The following NTM variants were observed in gnomAD, a reference collection of about 807,000 sequenced individuals.
NTM encodes the protein neurotrimin.
NTM carries 13 observed loss-of-function variants against 42.1 expected under a neutral mutation model. The observed-to-expected ratio is 0.31, with a 90% confidence interval of 0.20 to 0.49. The LOEUF (loss-of-function observed/expected upper bound fraction) is 0.49. Among genes scored for constraint, NTM ranks in the 20% least tolerant of loss-of-function variants. The pLI is 0.99. For missense variants in NTM, 373 were observed against 452.8 expected (o/e 0.82, Z 1.60); for synonymous variants, 187 against 179.2 (o/e 1.04, Z -0.35).
intron 1 of NTM, among the ~76,000 whole-genome samples, chr11:131,806,965 G>T (rs957790395): frequency 6.6e-6 from 1 of 152,202 alleles, no homozygotes; most frequent in African/African-American, 2.4e-5. Context: ...ACTGCTGGGA[G>T]CTCACAGTGA....
At chr11:132,322,004 G>A (rs1033518579) in intron 7 of NTM, among the ~76,000 whole-genome samples, 5 of 151,566 alleles carry the variant, frequency 3.3e-5, no homozygotes, top group Non-Finnish European at 7.4e-5. Context: ...CACCAGGCCT[G>A]CCCTAAAAGA....
At chr11:132,198,950 A>C (rs1056516209) in intron 3 of NTM, among the ~76,000 whole-genome samples, 2 of 152,328 alleles carry the variant, frequency 1.3e-5, no homozygotes, top group East Asian at 3.9e-4. Flanking sequence ...TTTAGCTAGG[A>C]CTAAATGATC....
chr11:131,554,686 T>C (rs2055164034), intron 1 of NTM, among the ~76,000 whole-genome samples: 1 of 152,194 alleles, frequency 6.6e-6, no homozygotes, highest in South Asian at 2.1e-4. Context: ...AAGGAATCCC[T>C]GAGGTTCAAA....
At chr11:131,733,509 T>TCCTTCCTA (rs1565480810) in intron 1 of NTM, among the ~76,000 whole-genome samples, 28 of 149,500 alleles carry the variant, frequency 1.9e-4, no homozygotes, top group African/African-American at 6.7e-4. Flanking sequence ...CTTCCTTCCT[T>TCCTTCCTA]CCTTCCTTCC....
At chr11:131,922,163 C>T (rs550241935) in intron 2 of NTM, 1 of 152,702 alleles carries the variant, frequency 6.5e-6, no homozygotes, top group South Asian at 2.1e-4. Flanking sequence ...CCTTGCTTAC[C>T]CTGAGGCCTG....
intron 1 of NTM, among the ~76,000 whole-genome samples, chr11:131,547,923 G>T (rs318985): frequency 2.0e-5 from 3 of 151,952 alleles, no homozygotes; most frequent in Non-Finnish European, 4.4e-5. Context: ...TGGCTGATTA[G>T]CCAATGCCTA....
chr11:131,543,315 G>A (rs1019590397), intron 1 of NTM, among the ~76,000 whole-genome samples: 6 of 152,148 alleles, frequency 3.9e-5, no homozygotes, highest in East Asian at 1.9e-4. Flanking sequence ...CAGGAAATAC[G>A]CAGGGATAGC....
In NTM at chr11:131,983,456, A is replaced by G. The variant is rs187196942; in HGVS notation, c.167+71808A>G. ...AGTGGTGTGATCTTGGCTCACTGCA[A>G]CCTCTGCCTCCCGGGTTCAAGCGAT... On this transcript the variant is annotated intron_variant, in intron 2 of 8. Coordinates refer to ENST00000683400, the MANE Select transcript of NTM (RefSeq NM_001352005.2). Among the ~76,000 whole-genome samples the G allele has an allele frequency of 8.7e-3, 1,294 of 148,974 alleles. 18 individuals are homozygous for G. Among genetic ancestry groups the G allele is most frequent in the African/African-American group, 0.031 (1,232 of 39,874 alleles).
chr11:131,523,271 T>C (rs2049994640), intron 1 of NTM, among the ~76,000 whole-genome samples: 2 of 152,232 alleles, frequency 1.3e-5, no homozygotes, highest in Admixed American at 1.3e-4. Flanking sequence ...CAGTTTGTAA[T>C]ACTAGTTGTC....
intron 1 of NTM, among the ~76,000 whole-genome samples, chr11:131,422,481 T>C (rs2135839376): frequency 6.6e-6 from 1 of 152,276 alleles, no homozygotes; most frequent in East Asian, 1.9e-4. Context: ...AGGCGCAAAT[T>C]AAGTAGAAAA....
At chr11:132,147,614 G>A (rs1241637124) in intron 3 of NTM, among the ~76,000 whole-genome samples, 1 of 152,032 alleles carries the variant, frequency 6.6e-6, no homozygotes, top group Non-Finnish European at 1.5e-5. Flanking sequence ...TTTACAGTGG[G>A]TCAAATATCT....
intron 2 of NTM, among the ~76,000 whole-genome samples, chr11:132,088,524 G>T (rs2060014272): frequency 6.6e-6 from 1 of 152,210 alleles, no homozygotes; most frequent in East Asian, 1.9e-4. Context: ...CAAAAAAAGG[G>T]GTCCTGCATG....
intron 2 of NTM, among the ~76,000 whole-genome samples, chr11:132,112,597 C>T (rs1213940073): frequency 3.3e-5 from 5 of 152,010 alleles, no homozygotes; most frequent in Non-Finnish European, 5.9e-5. Flanking sequence ...AGCCAAGAGG[C>T]GGCCTTCCAC....
At chr11:131,760,374 G>A (rs1032819218) in intron 1 of NTM, among the ~76,000 whole-genome samples, 8 of 151,798 alleles carry the variant, frequency 5.3e-5, no homozygotes, top group Non-Finnish European at 8.8e-5. Context: ...TGTTGTAAGG[G>A]AAAAAAGAAA....
chr11:132,008,184 T>A (rs1043379302), intron 2 of NTM, among the ~76,000 whole-genome samples: 10 of 152,296 alleles, frequency 6.6e-5, no homozygotes, highest in East Asian at 3.9e-4. Context: ...TGGACTGTTG[T>A]CTAAGACAGA....
chr11:132,174,866 G>A (rs1460933994), intron 3 of NTM, among the ~76,000 whole-genome samples: 3 of 152,130 alleles, frequency 2.0e-5, no homozygotes, highest in Non-Finnish European at 4.4e-5. Context: ...GCTCTGGAGA[G>A]AGAGGTTATT....
chr11:131,714,055 G>C (rs750883357), intron 1 of NTM, among the ~76,000 whole-genome samples: 1 of 152,146 alleles, frequency 6.6e-6, no homozygotes, highest in Non-Finnish European at 1.5e-5. Context: ...CTTACTGGTC[G>C]AGTATTTCTA....
intron 3 of NTM, among the ~76,000 whole-genome samples, chr11:132,180,990 T>C (rs1283765835): frequency 6.6e-6 from 1 of 152,206 alleles, no homozygotes; most frequent in East Asian, 1.9e-4. Context: ...GGCTATGTAT[T>C]TAACTTAAGG....
Position 131,680,919 on chromosome 11 carries a change from CTG to C in NTM, c.83-230641_83-230640del, listed in dbSNP as rs534212353. ...CCTGTGTGTGTGAGCATGTGTGTTTCTGTGTCTGTATGTCTCCCTGTGTGTGT... is the reference window on the plus strand; with the variant it reads ...CCTGTGTGTGTGAGCATGTGTGTTTCTGTCTGTATGTCTCCCTGTGTGTGT... On this transcript the variant is annotated intron_variant, in intron 1 of 8. Transcript: ENST00000683400. Among the ~76,000 whole-genome samples, 126 of 22,438 alleles carry C rather than the reference CTG, an allele frequency of 5.6e-3. 29 individuals are homozygous for C. The highest frequency in any genetic ancestry group is 0.013 in the African/African-American group (90 of 6,746). The allele number at this position is 22,438 out of a possible 152,430, so 14.7% of individuals were successfully genotyped here.
Sources: gnomAD v4.1 joint callset for allele counts (sites outside exome capture counted in the v4.1 genomes callset) on GRCh38, gnomAD v4.1.1 for gene constraint, MANE v1.5 for transcripts, NCBI Gene and HGNC (gene_info 2026-07-23, HGNC 2026-07-21) for gene names.